PIGN: variants seen among roughly 807,000 people sequenced by gnomAD.
PIGN encodes phosphatidylinositol glycan anchor biosynthesis class N.
PIGN carries 117 observed loss-of-function variants against 125.4 expected under a neutral mutation model. The ratio of observed to expected loss-of-function variants is 0.93; its 90% CI spans 0.80 to 1.09. PIGN has a LOEUF of 1.09. Ranked by LOEUF, PIGN falls within the 50% of genes least tolerant of loss-of-function variation. The pLI, the probability that PIGN is intolerant of heterozygous loss-of-function variation, is 0.00. For missense variants in PIGN, 1,075 were observed against 1,094.9 expected, an observed-to-expected ratio of 0.98 and a Z score of 0.26; for synonymous variants, 392 against 377.8, an observed-to-expected ratio of 1.04 and a Z score of -0.44.
intron 7 of PIGN, 90 bp downstream of exon 7, chr18:62,154,455 C>T (rs1240486842): frequency 1.4e-6 from 1 of 715,760 alleles, no homozygotes; most frequent in East Asian, 2.5e-5. Flanking sequence ...ACTTTCAAAG[C>T]TCATGAAAAC....
chr18:62,056,575 C>G (rs1437134601), intron 30 of PIGN: 1 of 152,208 alleles, frequency 6.6e-6, no homozygotes, highest in African/African-American at 2.4e-5. Flanking sequence ...CTTCTCACCC[C>G]GAACTTTCTA....
At position 62,156,699 on chromosome 18, in the gene PIGN, C is replaced by T. The variant is rs935490460; in HGVS notation, c.442+430G>A. On this transcript the variant is annotated intron_variant, in intron 6 of 30. Coordinates refer to ENST00000640252, the MANE Select transcript of PIGN (RefSeq NM_176787.5). Reference sequence around the variant, plus strand: ...ATTTACCAAAGTATAATGAACCACACCTCAACATCATCATTTATAATCAAG... The same window carrying T: ...ATTTACCAAAGTATAATGAACCACATCTCAACATCATCATTTATAATCAAG... Among the ~76,000 whole-genome samples, 4 of 152,218 alleles carry T rather than the reference C, an allele frequency of 2.6e-5. No homozygotes were observed. In the East Asian group the frequency reaches 7.7e-4, roughly 29 times the overall value.
At chr18:62,141,189 T>C (rs1388230067) in intron 11 of PIGN, among the ~76,000 whole-genome samples, 1 of 152,250 alleles carries the variant, frequency 6.6e-6, no homozygotes, top group Non-Finnish European at 1.5e-5. Flanking sequence ...TACTCGGAAT[T>C]GAGAATGCCC....
Position 62,082,656 on chromosome 18 carries a change from A to C in PIGN, c.2576+17T>G. On this transcript the variant is annotated intron_variant, in intron 28 of 30. Coordinates refer to ENST00000640252, the MANE Select transcript of PIGN (RefSeq NM_176787.5). ...AAAATAGGCAAATCAAATGTTTCTT[A>C]AACTAATTCATCTTACCTTTTTGAC... 7.1e-7 allele frequency: 1 copy of C among 1,411,586 alleles called. No individual in the cohort carries two copies. Among genetic ancestry groups the C allele is most frequent in the Admixed American group, 2.0e-5 (1 of 49,788 alleles). The allele number at this position is 1,411,586 out of a possible 1,614,324, so 87.4% of individuals were successfully genotyped here. A position where few individuals can be genotyped will look rare whatever the true frequency, so the allele number is the denominator to read the frequency against.
intron 30 of PIGN, among the ~76,000 whole-genome samples, chr18:62,056,540 T>C (rs967781323): frequency 2.0e-5 from 3 of 151,676 alleles, no homozygotes; most frequent in Non-Finnish European, 1.5e-5. Flanking sequence ...AAAATACTGA[T>C]AAAGTGATCG....
At chr18:62,038,308 G>GTTTTTTTT (rs34436733), downstream of PIGN, among the ~76,000 whole-genome samples, 1 of 120,088 alleles carries the variant, frequency 8.3e-6, no homozygotes, top group African/African-American at 3.3e-5. Context: ...CCCCCTCCGT[G>GTTTTTTTT]TTTTTTTTTT....
intron 1 of PIGN, among the ~76,000 whole-genome samples, chr18:62,183,243 A>T (rs1164114806): frequency 7.4e-6 from 1 of 135,604 alleles, no homozygotes; most frequent in Non-Finnish European, 1.6e-5. Flanking sequence ...ATAAATTTAA[A>T]AATGAAGTCA....
At chr18:62,082,352 G>A (rs2033486629) in intron 28 of PIGN, among the ~76,000 whole-genome samples, 4 of 151,976 alleles carry the variant, frequency 2.6e-5, no homozygotes, top group Admixed American at 2.6e-4. Context: ...CTTTTTGTAG[G>A]CACAGTTATA....
Position 62,140,400 on chromosome 18 carries a change from A to C in PIGN, c.1023+20T>G. 8.7e-7 allele frequency: 1 copy of C among 1,150,590 alleles called. No homozygotes were observed. Among genetic ancestry groups the C allele is most frequent in the Non-Finnish European group, 1.3e-6 (1 of 791,672 alleles). 71.3% of individuals were successfully genotyped at this position (1,150,590 alleles called of 1,614,324 possible). On this transcript the variant is annotated intron_variant, in intron 12 of 30. Transcript: ENST00000640252. The stretch of plus-strand genomic sequence containing the variant: ...GTTTTTTTTTATACTGAGAGTTGAT[A>C]ATAAAATTTTATTCCTTACCACTGA...
intron 1 of PIGN, among the ~76,000 whole-genome samples, chr18:62,166,293 T>C (rs910227688): frequency 1.3e-5 from 2 of 152,216 alleles, no homozygotes; most frequent in African/African-American, 4.8e-5. Flanking sequence ...TCATCTTTCA[T>C]GCCCCTTCTC....
In PIGN at chr18:62,147,079, T is replaced by C; in HGVS notation, c.697A>G (p.Lys233Glu). ...SSRDYKHNIKKVDDGVKEIVS... is the reference protein window; with the variant it reads ...SSRDYKHNIKEVDDGVKEIVS... ...ATTTCTTTAACTCCATCATCAACTT[T>C]TTTAATATTGTGCTTGTAGTCTCTA... Residue 233 changes from lysine (K) to glutamate (E), a missense_variant, in exon 9 of 31, where the codon AAA becomes GAA. Lys to Glu is a moderately conservative substitution (Grantham distance 56). Around this residue, in one of 3 missense-constraint regions of PIGN, gnomAD observed 915 missense variants for 908.7 expected, o/e 1.01. Transcript: ENST00000640252. The C allele has an allele frequency of 6.2e-7, 1 of 1,604,938 alleles. No individual in the cohort carries two copies. The highest frequency in any genetic ancestry group is 8.5e-7 in the Non-Finnish European group (1 of 1,172,696).
chr18:62,043,123 AAGG>A lies in PIGN; in HGVS notation c.*2730_*2732del. The A allele has an allele frequency of 6.6e-6, 1 of 152,298 alleles. No individual in the cohort carries two copies. The highest frequency in any genetic ancestry group is 1.9e-4 in the East Asian group (1 of 5,188). 9.4% of individuals were successfully genotyped at this position (152,298 alleles called of 1,614,324 possible). ...CAAGTTATCTCTGGTCTCTTAAAAG[AAGG>A]AGTTCTCAGAACTGGTCTGAAGGGG... On this transcript the variant is annotated 3_prime_UTR_variant, in exon 31 of 31. Coordinates refer to ENST00000640252, the MANE Select transcript of PIGN (RefSeq NM_176787.5).
chr18:62,138,985 T>G lies in PIGN; in HGVS notation c.1114A>C (p.Lys372Gln). 2 of 1,590,762 alleles carry G rather than the reference T, an allele frequency of 1.3e-6. No homozygotes were observed. The highest frequency in any genetic ancestry group is 8.6e-7 in the Non-Finnish European group (1 of 1,162,864). Residue 372 changes from lysine (K) to glutamine (Q), a missense_variant and splice_region_variant, in exon 13 of 31, where the codon AAG becomes CAG. Coordinates refer to ENST00000640252, the MANE Select transcript of PIGN (RefSeq NM_176787.5). ...TNAVQILEQF[K>Q]VKMTQKKEVT... ...GCCTTTTTGAATTTTTTTTTTACCTTGAACTGTTCAAGAATCTGTACTGCA... is the reference window on the plus strand; with the variant it reads ...GCCTTTTTGAATTTTTTTTTTACCTGGAACTGTTCAAGAATCTGTACTGCA...
chr18:62,084,980 C>T (rs1393243484), intron 26 of PIGN, among the ~76,000 whole-genome samples: 1 of 152,010 alleles, frequency 6.6e-6, no homozygotes, highest in Non-Finnish European at 1.5e-5. Flanking sequence ...TGGTGGCGGG[C>T]ACCTGTAATC....
intron 7 of PIGN, among the ~76,000 whole-genome samples, chr18:62,150,370 A>G (rs1187376332): frequency 6.6e-6 from 1 of 152,232 alleles, no homozygotes; most frequent in African/African-American, 2.4e-5. Context: ...TCAATGTATG[A>G]ACAGTTATAG....
At chr18:62,038,034 G>C (rs181828949), downstream of PIGN, among the ~76,000 whole-genome samples, 541 of 152,280 alleles carry the variant, frequency 3.6e-3, 2 homozygotes, top group Non-Finnish European at 5.0e-3. Context: ...CCTGGAGATT[G>C]AGGCTATGCA....
chr18:62,171,752 C>T (rs1182454916), intron 1 of PIGN, among the ~76,000 whole-genome samples: 4 of 152,050 alleles, frequency 2.6e-5, no homozygotes, highest in African/African-American at 9.7e-5. Flanking sequence ...ATATTTTGGC[C>T]TGTTAATGTG....
In PIGN at chr18:62,148,231, A is replaced by G. The variant is rs1277873867; in HGVS notation, c.657T>C (p.Ala219=). 3 of 1,544,562 alleles carry G rather than the reference A, an allele frequency of 1.9e-6. No homozygotes were observed. The highest frequency in any genetic ancestry group is 2.0e-5 in the Admixed American group (1 of 50,746). ...TAAATTACCTCGAGGATGGTCGATG[A>G]GCATGTCCGTTTGTATCTATTCCTA... The part of the protein sequence containing the change: ...HLLGIDTNGH[A]HRPSSRDYKH... The change falls in exon 8 of 31, where the codon GCT becomes GCC. Residue 219 remains alanine, a synonymous_variant. Transcript: ENST00000640252.
chr18:62,163,493 C>T (rs1214950819), intron 2 of PIGN, 38 bp downstream of exon 2: 3 of 152,154 alleles, frequency 2.0e-5, no homozygotes, highest in African/African-American at 4.8e-5. Context: ...TCAGAGAATA[C>T]GAAGAAGAAA....
Sources: allele counts gnomAD v4.1 joint callset (sites outside exome capture counted in the v4.1 genomes callset), GRCh38; gene constraint gnomAD v4.1.1; regional missense constraint gnomAD v4.1.1; transcripts MANE v1.5; gene names NCBI Gene and HGNC (gene_info 2026-07-23, HGNC 2026-07-21).